CPHXL: variants seen among roughly 807,000 people sequenced by gnomAD.
CPHXL encodes cytoplasmic polyadenylated homeobox like.
intron 1 of CPHXL, among the ~76,000 whole-genome samples, chr16:75,722,221 A>G (rs1298758463): frequency 6.6e-6 from 1 of 152,210 alleles, no homozygotes; most frequent in Non-Finnish European, 1.5e-5. Flanking sequence ...AAACACATTC[A>G]AAAGCTAGCA....
chr16:75,725,987 A>G (rs1376579050), intron 1 of CPHXL, among the ~76,000 whole-genome samples: 1 of 152,042 alleles, frequency 6.6e-6, no homozygotes, highest in East Asian at 1.9e-4. Context: ...ATTTACTGAA[A>G]ATGTACAAAA....
At chr16:75,721,343 G>A (rs1162374074) in intron 1 of CPHXL, among the ~76,000 whole-genome samples, 2 of 152,110 alleles carry the variant, frequency 1.3e-5, no homozygotes, top group African/African-American at 4.8e-5. Flanking sequence ...TCAGTGTGCT[G>A]TATTCAGGAA....
chr16:75,716,366 CTT>C (rs904149698), intron 2 of CPHXL, among the ~76,000 whole-genome samples: 3 of 152,194 alleles, frequency 2.0e-5, no homozygotes, highest in African/African-American at 7.2e-5. Context: ...GCTTCTGAAA[CTT>C]TTGGCTGACT....
In CPHXL at chr16:75,718,360, C is replaced by T. The variant is rs914200309; in HGVS notation, c.124G>A (p.Glu42Lys). The T allele has an allele frequency of 3.8e-5, 15 of 398,594 alleles. No individual in the cohort carries two copies. The highest frequency in any genetic ancestry group is 6.2e-4 in the Middle Eastern group (1 of 1,616). 24.7% of individuals were successfully genotyped at this position (398,594 alleles called of 1,614,324 possible). A position where few individuals can be genotyped will look rare whatever the true frequency, so the allele number is the denominator to read the frequency against. The change falls in exon 2 of 3, where the codon GAA (glutamate) becomes AAA (lysine). Residue 42 changes from glutamate (E) to lysine (K), a missense_variant. Glu to Lys is a moderately conservative substitution (Grantham distance 56). Coordinates refer to ENST00000640559, the MANE Select transcript of CPHXL (RefSeq NM_001355613.1). Reference protein sequence around the residue: ...RHKFSEELLQELKEIFGENCY... With the variant: ...RHKFSEELLQKLKEIFGENCY... The stretch of plus-strand genomic sequence containing the variant: ...TTCTCTCCAAATATTTCCTTAAGTT[C>T]CTGCAGTAATTCTTCAGAAAATTTA...
intron 1 of CPHXL, among the ~76,000 whole-genome samples, chr16:75,724,652 T>C (rs922293915): frequency 1.3e-5 from 2 of 152,114 alleles, no homozygotes; most frequent in African/African-American, 4.8e-5. Context: ...TGTGGAGAAA[T>C]AGGAACACTT....
chr16:75,715,645 G>A (rs192427779), intron 2 of CPHXL, among the ~76,000 whole-genome samples: 1 of 151,708 alleles, frequency 6.6e-6, no homozygotes, highest in African/African-American at 2.4e-5. Flanking sequence ...ATACTCTCCC[G>A]CCAAGGAGAA....
Position 75,715,052 on chromosome 16 carries a change from C to T in CPHXL, c.390G>A (p.Gln130=), listed in dbSNP as rs1959371125. The change falls in exon 3 of 3, where the codon CAG becomes CAA. Residue 130 remains glutamine, a synonymous_variant. Coordinates refer to ENST00000640559, the MANE Select transcript of CPHXL (RefSeq NM_001355613.1). ...AACCAGCTCTTCTCATCAGAGCCCT[C>T]TGGGCACCAGAGAGGCTCTGCTTGG... ...YATKQSLSGA[Q]RALMRRAGCS... 2.5e-6 allele frequency: 1 copy of T among 398,582 alleles called. No homozygotes were observed. The highest frequency in any genetic ancestry group is 4.4e-6 in the Non-Finnish European group (1 of 226,088). The allele number at this position is 398,582 out of a possible 1,614,324, so 24.7% of individuals were successfully genotyped here.
chr16:75,716,848 A>G (rs1339139296), intron 2 of CPHXL, among the ~76,000 whole-genome samples: 1 of 152,188 alleles, frequency 6.6e-6, no homozygotes, highest in Non-Finnish European at 1.5e-5. Flanking sequence ...CAACTCTCAG[A>G]TTTATATCTT....
intron 2 of CPHXL, among the ~76,000 whole-genome samples, chr16:75,715,545 T>C (rs947209308): frequency 6.6e-6 from 1 of 152,212 alleles, no homozygotes; most frequent in African/African-American, 2.4e-5. Flanking sequence ...CTCCTGCATG[T>C]TCACTAAGAG....
At chr16:75,721,779 C>A (rs1167110845) in intron 1 of CPHXL, among the ~76,000 whole-genome samples, 1 of 152,176 alleles carries the variant, frequency 6.6e-6, no homozygotes, top group Non-Finnish European at 1.5e-5. Flanking sequence ...GAACTCTCCA[C>A]CCCAAATCAA....
Position 75,714,476 on chromosome 16 carries a change from C to A in CPHXL, c.966G>T (p.Gln322His). The A allele has an allele frequency of 2.5e-6, 1 of 398,648 alleles. No individual in the cohort carries two copies. Among genetic ancestry groups the A allele is most frequent in the Non-Finnish European group, 4.4e-6 (1 of 226,080 alleles). The allele number at this position is 398,648 out of a possible 1,614,324, so 24.7% of individuals were successfully genotyped here. ...QYHLQQHQQP[Q>H]NYLEGMMLQE... Reference sequence around the variant, plus strand: ...GCAACATCATCCCCTCTAAGTAATTCTGAGGCTGTTGGTGCTGCTGCAGGT... The same window carrying A: ...GCAACATCATCCCCTCTAAGTAATTATGAGGCTGTTGGTGCTGCTGCAGGT... Residue 322 changes from glutamine to histidine, a missense_variant, in exon 3 of 3, where the codon CAG becomes CAT. Gln to His is a conservative substitution (Grantham distance 24). Coordinates refer to ENST00000640559, the MANE Select transcript of CPHXL (RefSeq NM_001355613.1).
rs966296574 is a variant in CPHXL, at chr16:75,714,989, T to A, written c.453A>T (p.Glu151Asp). Residue 151 changes from glutamate to aspartate, a missense_variant, in exon 3 of 3, where the codon GAA becomes GAT. Coordinates refer to ENST00000640559, the MANE Select transcript of CPHXL (RefSeq NM_001355613.1). Reference protein sequence around the residue: ...HLEKQWIPSQEMGYNCFSLEN... With the variant: ...HLEKQWIPSQDMGYNCFSLEN... Reference sequence around the variant, plus strand: ...CCAAAGAGAAACAATTATAGCCCATTTCTTGACTGGGAATCCACTGTTTCT... The same window carrying A: ...CCAAAGAGAAACAATTATAGCCCATATCTTGACTGGGAATCCACTGTTTCT... 7 of 398,472 alleles carry A rather than the reference T, an allele frequency of 1.8e-5. No homozygotes were observed. Among genetic ancestry groups the A allele is most frequent in the African/African-American group, 1.4e-4 (7 of 48,590 alleles). 24.7% of individuals were successfully genotyped at this position (398,472 alleles called of 1,614,324 possible).
intron 1 of CPHXL, among the ~76,000 whole-genome samples, chr16:75,722,715 C>T (rs140603366): frequency 0.014 from 2,153 of 152,266 alleles, 53 homozygotes; most frequent in African/African-American, 0.05. Context: ...CTATTCCAAT[C>T]AATAGAAAAA....
chr16:75,720,865 T>G (rs1413359574), intron 1 of CPHXL, among the ~76,000 whole-genome samples: 28 of 152,184 alleles, frequency 1.8e-4, no homozygotes, highest in Admixed American at 1.8e-3. Context: ...AAGGTCGGGT[T>G]ACCCACAAAG....
chr16:75,716,077 A>G (rs1181970265), intron 2 of CPHXL, among the ~76,000 whole-genome samples: 11 of 152,102 alleles, frequency 7.2e-5, no homozygotes, highest in East Asian at 1.9e-4. Flanking sequence ...AATTGTTTGA[A>G]TAACTTCTTG....
rs931886060 is a variant in CPHXL, at chr16:75,714,624, T to C, written c.818A>G (p.Gln273Arg). ...ATCCAAAAGGAAAGGACTTGCATGC[T>C]GGCTTTCCTTGGTTTCAGTCCTTTC... ...HGERTETKES[Q>R]HASPFLLDYA... Residue 273 changes from glutamine (Q) to arginine (R), a missense_variant, in exon 3 of 3, where the codon CAG becomes CGG. Transcript: ENST00000640559. 1.3e-5 allele frequency: 5 copies of C among 398,668 alleles called. No individual in the cohort carries two copies. The highest frequency in any genetic ancestry group is 3.6e-5 in the East Asian group (1 of 28,078). The allele number at this position is 398,668 out of a possible 1,614,324, so 24.7% of individuals were successfully genotyped here. A position where few individuals can be genotyped will look rare whatever the true frequency, so the allele number is the denominator to read the frequency against.
chr16:75,725,483 C>T (rs1445545546), intron 1 of CPHXL, among the ~76,000 whole-genome samples: 9 of 149,362 alleles, frequency 6.0e-5, no homozygotes, highest in Admixed American at 2.0e-4. Flanking sequence ...GACGGACTCT[C>T]GCTCTGTCGC....
Position 75,714,607 on chromosome 16 carries a change from G to T in CPHXL, c.835C>A (p.Leu279Ile). The change falls in exon 3 of 3, where the codon CTT becomes ATT. Residue 279 changes from leucine to isoleucine, a missense_variant. By Grantham distance (5) the Leu-to-Ile change is conservative. Coordinates refer to ENST00000640559, the MANE Select transcript of CPHXL (RefSeq NM_001355613.1). ...TKESQHASPF[L>I]LDYAQGAYGV... ...TATGCACCTTGAGCGTAATCCAAAA[G>T]GAAAGGACTTGCATGCTGGCTTTCC... 2.5e-6 allele frequency: 1 copy of T among 398,632 alleles called. No individual in the cohort carries two copies. Among genetic ancestry groups the T allele is most frequent in the Non-Finnish European group, 4.4e-6 (1 of 226,074 alleles). The allele number at this position is 398,632 out of a possible 1,614,324, so 24.7% of individuals were successfully genotyped here.
intron 1 of CPHXL, among the ~76,000 whole-genome samples, chr16:75,719,853 C>G (rs191534205): frequency 2.0e-4 from 31 of 152,132 alleles, no homozygotes; most frequent in African/African-American, 7.5e-4. Flanking sequence ...AGACACCCCC[C>G]AGTAGGGGCA....
Sources: gnomAD v4.1 joint callset for allele counts (sites outside exome capture counted in the v4.1 genomes callset) on GRCh38, gnomAD v4.1.1 for gene constraint, MANE v1.5 for transcripts, NCBI Gene and HGNC (gene_info 2026-07-23, HGNC 2026-07-21) for gene names.